Variants in HS6ST1 observed in about 807,000 individuals in gnomAD.
The protein encoded by HS6ST1 is heparan-sulfate 6-O-sulfotransferase 1.
HS6ST1 carries 3 observed loss-of-function variants against 25.2 expected under a neutral mutation model. The ratio of observed to expected loss-of-function variants is 0.12; its 90% confidence interval spans 0.05 to 0.31. HS6ST1 has a LOEUF of 0.31. Ranked by LOEUF, HS6ST1 falls within the 10% of genes least tolerant of loss-of-function variation. The pLI is 1.00. For synonymous variants in HS6ST1, 204 were observed against 275.1 expected (o/e 0.74, Z 2.56); for missense variants, 310 against 609.6 (o/e 0.51, Z 5.18).
At chr2:128,282,290 T>C (rs1693800471) in intron 1 of HS6ST1, among the ~76,000 whole-genome samples, 1 of 152,178 alleles carries the variant, frequency 6.6e-6, no homozygotes, top group African/African-American at 2.4e-5. Context: ...GCTGAACCAC[T>C]GTAAACAGAA....
intron 1 of HS6ST1, among the ~76,000 whole-genome samples, chr2:128,288,220 T>C (rs1341172206): frequency 4.6e-5 from 7 of 152,138 alleles, no homozygotes; most frequent in Non-Finnish European, 8.8e-5. Flanking sequence ...TCCTCTTCCT[T>C]ACAGCCTGTA....
Position 128,318,842 on chromosome 2 carries a change from C to G in HS6ST1, c.-279G>C, listed in dbSNP as rs907029339. ...CCGCGCCCCCAGCACCAGCCCGCTC[C>G]GCTCCACTCCGCGCCGAGAACGCTC... is the stretch of plus-strand genomic sequence containing the variant. On this transcript the variant is annotated 5_prime_UTR_variant, in exon 1 of 2. Transcript: ENST00000259241. This position sits in a 1 kb window ranked among gnomAD's most constrained non-coding sequence, Gnocchi z 5.7. Among the ~76,000 whole-genome samples, 1 of 147,726 alleles carries G rather than the reference C, an allele frequency of 6.8e-6. No homozygotes were observed. The highest frequency in any genetic ancestry group is 1.5e-5 in the Non-Finnish European group (1 of 66,336).
intron 1 of HS6ST1, among the ~76,000 whole-genome samples, chr2:128,287,773 C>A (rs1265078017): frequency 1.3e-5 from 2 of 152,210 alleles, no homozygotes; most frequent in African/African-American, 4.8e-5. Context: ...CGAGGTCTTC[C>A]ATGAGCAGAA....
rs970032160 is a variant in HS6ST1 at position 128,266,103 on chromosome 2, A to C, written c.*2059T>G. On this transcript the variant is annotated 3_prime_UTR_variant, in exon 2 of 2. Transcript: ENST00000259241. ...ACACATATTCCAATATGTACAAAACAACCTGCGCTCAGGCCCGCGCACCCA... is the reference window on the plus strand; with the variant it reads ...ACACATATTCCAATATGTACAAAACCACCTGCGCTCAGGCCCGCGCACCCA... The C allele has an allele frequency of 1.3e-5, 2 of 151,734 alleles. No individual in the cohort carries two copies. Among genetic ancestry groups the C allele is most frequent in the Admixed American group, 6.6e-5 (1 of 15,240 alleles). 9.4% of individuals were successfully genotyped at this position (151,734 alleles called of 1,614,324 possible). A position where few individuals can be genotyped will look rare whatever the true frequency, so the allele number is the denominator to read the frequency against.
chr2:128,311,583 A>T (rs1310114120), intron 1 of HS6ST1, among the ~76,000 whole-genome samples: 1 of 152,246 alleles, frequency 6.6e-6, no homozygotes, highest in Non-Finnish European at 1.5e-5. Context: ...GGTCTGACCT[A>T]GAAACACCCC....
At chr2:128,304,679 TG>T (rs1285922339) in intron 1 of HS6ST1, among the ~76,000 whole-genome samples, 2 of 137,128 alleles carry the variant, frequency 1.5e-5, no homozygotes, top group Non-Finnish European at 3.1e-5. Flanking sequence ...CCTCTGCCAC[TG>T]GGAAGATATG....
rs1491422992 is a variant in HS6ST1 at position 128,284,501 on chromosome 2, CCT to C, written c.528-15633_528-15632del. Among the ~76,000 whole-genome samples, 9 of 56,316 alleles carry C rather than the reference CCT, an allele frequency of 1.6e-4. No individual in the cohort carries two copies. In the East Asian group the frequency reaches 9.1e-3, roughly 57 times the overall value. The allele number at this position is 56,316 out of a possible 152,430, so 36.9% of individuals were successfully genotyped here. ...ACCATACTGTGGAGGTGACATCGTC[CCT>C]CTTTTTTTTTTTTTTTGAGACGGAG... On this transcript the variant is annotated intron_variant, in intron 1 of 1. Transcript: ENST00000259241.
At chr2:128,305,895 G>A (rs1247761388) in intron 1 of HS6ST1, among the ~76,000 whole-genome samples, 1 of 152,190 alleles carries the variant, frequency 6.6e-6, no homozygotes, top group African/African-American at 2.4e-5. Context: ...GAGCAGCTGC[G>A]TTACCCTCCC....
chr2:128,288,295 G>A (rs1223976122), intron 1 of HS6ST1, among the ~76,000 whole-genome samples: 1 of 152,106 alleles, frequency 6.6e-6, no homozygotes, highest in Non-Finnish European at 1.5e-5. Flanking sequence ...GAGGGAGGCT[G>A]GCGGCAGCGT....
intron 1 of HS6ST1, among the ~76,000 whole-genome samples, chr2:128,269,399 A>T (rs1693576035): frequency 6.6e-6 from 1 of 152,090 alleles, no homozygotes; most frequent in African/African-American, 2.4e-5. Context: ...GCCATGACGT[A>T]TACACCAACT....
intron 1 of HS6ST1, among the ~76,000 whole-genome samples, chr2:128,276,015 C>T (rs569409877): frequency 7.9e-5 from 12 of 152,272 alleles, no homozygotes; most frequent in South Asian, 4.1e-4. Context: ...GGAAAGGTGA[C>T]GAAGAAGGCA....
At chr2:128,284,875 G>A (rs372375647) in intron 1 of HS6ST1, among the ~76,000 whole-genome samples, 14 of 152,270 alleles carry the variant, frequency 9.2e-5, no homozygotes, top group Non-Finnish European at 1.6e-4. Context: ...GGGACCCCAC[G>A]GCTGCAGACC....
intron 1 of HS6ST1, among the ~76,000 whole-genome samples, chr2:128,305,811 G>A (rs932659046): frequency 2.0e-5 from 3 of 152,178 alleles, no homozygotes; most frequent in Admixed American, 2.0e-4. Flanking sequence ...GAGGAGGGTG[G>A]GCCAGCAGTC....
rs201320658 is a variant in HS6ST1, at chr2:128,268,426, C to T, written c.972G>A (p.Ala324=). The part of the protein sequence containing the change: ...RPFMQYNSTR[A]GGVEVDEDTI... Reference sequence around the variant, plus strand: ...TGTCTTCATCCACCTCCACGCCGCCCGCCCGCGTGCTATTGTACTGCATGA... The same window carrying T: ...TGTCTTCATCCACCTCCACGCCGCCTGCCCGCGTGCTATTGTACTGCATGA... The change falls in exon 2 of 2, where the codon GCG becomes GCA. Residue 324 remains alanine, a synonymous_variant. Transcript: ENST00000259241. The T allele has an allele frequency of 8.1e-6, 13 of 1,613,526 alleles. No individual in the cohort carries two copies. Among genetic ancestry groups the T allele is most frequent in the Admixed American group, 3.3e-5 (2 of 60,000 alleles).
intron 1 of HS6ST1, among the ~76,000 whole-genome samples, chr2:128,315,023 T>C (rs1321903837): frequency 6.6e-6 from 1 of 151,954 alleles, no homozygotes; most frequent in Non-Finnish European, 1.5e-5. Flanking sequence ...TCTAACCGAG[T>C]GGTCCCTGGA....
intron 1 of HS6ST1, among the ~76,000 whole-genome samples, chr2:128,269,856 A>G (rs1693585926): frequency 6.6e-6 from 1 of 152,126 alleles, no homozygotes; most frequent in African/African-American, 2.4e-5. Flanking sequence ...ATGGAAGTGT[A>G]CCCACACTGC....
chr2:128,276,768 T>C (rs991540079), intron 1 of HS6ST1, among the ~76,000 whole-genome samples: 1 of 151,462 alleles, frequency 6.6e-6, no homozygotes, highest in Non-Finnish European at 1.5e-5. Context: ...TCCCCAGAGC[T>C]CCCCGCCAGT....
At chr2:128,269,578 G>C (rs1201637355) in intron 1 of HS6ST1, among the ~76,000 whole-genome samples, 1 of 152,254 alleles carries the variant, frequency 6.6e-6, no homozygotes, top group African/African-American at 2.4e-5. Flanking sequence ...CTGGGCTGGA[G>C]GCGTCAGGAC....
intron 1 of HS6ST1, among the ~76,000 whole-genome samples, chr2:128,308,823 A>C (rs1363549106): frequency 6.6e-6 from 1 of 152,214 alleles, no homozygotes; most frequent in Non-Finnish European, 1.5e-5. Context: ...CTTTGAGGGA[A>C]GCTCCCTGCA....
Sources: allele counts gnomAD v4.1 joint callset (sites outside exome capture counted in the v4.1 genomes callset), GRCh38; gene constraint gnomAD v4.1.1; non-coding constraint Gnocchi (gnomAD v3.1); transcripts MANE v1.5; gene names NCBI Gene and HGNC (gene_info 2026-07-23, HGNC 2026-07-21).